XPR1: variants seen among roughly 807,000 people sequenced by gnomAD.
The protein encoded by XPR1 is xenotropic and polytropic retrovirus receptor 1.
Under a neutral mutation model 87.5 loss-of-function variants are expected in XPR1, and 28 were observed. The ratio of observed to expected loss-of-function variants is 0.32; its 90% CI spans 0.24 to 0.44. The LOEUF is 0.44. Among genes scored for constraint, XPR1 ranks in the 20% least tolerant of loss-of-function variants. XPR1 has a pLI of 1.00. For missense variants in XPR1, 559 were observed against 862.3 expected, an observed-to-expected ratio of 0.65 and a Z score of 4.41; for synonymous variants, 300 against 306.1, an observed-to-expected ratio of 0.98 and a Z score of 0.21.
intron 2 of XPR1, among the ~76,000 whole-genome samples, chr1:180,760,602 A>G (rs1269172508): frequency 1.3e-5 from 2 of 152,222 alleles, no homozygotes; most frequent in African/African-American, 4.8e-5. Context: ...CCACTGCTCA[A>G]TCAAATAAAA....
chr1:180,867,043 A>G (rs1379997456), intron 12 of XPR1, among the ~76,000 whole-genome samples: 2 of 97,392 alleles, frequency 2.1e-5, no homozygotes, highest in South Asian at 4.1e-4. Context: ...ATTCCCACCT[A>G]TGAGTGAGAA....
Position 180,834,571 on chromosome 1 carries a change from C to T in XPR1, c.1135-303C>T, listed in dbSNP as rs147697568. On this transcript the variant is annotated intron_variant, in intron 9 of 14. Transcript: ENST00000367590. ...GAAAAATCAGGGGGTAGTGGCATCT[C>T]CCTGATCCCTTAACAATATTTGGAT... 4.9e-4 allele frequency among the ~76,000 whole-genome samples: 74 copies of T among 152,296 alleles called. No homozygotes were observed. In the East Asian group the frequency reaches 0.014, roughly 29 times the overall value.
intron 7 of XPR1, among the ~76,000 whole-genome samples, chr1:180,820,917 C>G (rs1251932722): frequency 6.6e-6 from 1 of 151,900 alleles, no homozygotes; most frequent in Non-Finnish European, 1.5e-5. Flanking sequence ...TTGGGTTGTT[C>G]ATTGTTCCAT....
chr1:180,771,446 A>G (rs190294492), intron 2 of XPR1, among the ~76,000 whole-genome samples: 1 of 152,310 alleles, frequency 6.6e-6, no homozygotes, highest in Non-Finnish European at 1.5e-5. Context: ...ATCGTAGTGC[A>G]ATTACCAGAA....
intron 1 of XPR1, among the ~76,000 whole-genome samples, chr1:180,640,691 A>G (rs1450125436): frequency 6.6e-6 from 1 of 152,130 alleles, no homozygotes; most frequent in Non-Finnish European, 1.5e-5. Context: ...GTTAAATTAT[A>G]TTTCCCTCAA....
chr1:180,672,189 A>G (rs1415993872), intron 1 of XPR1, among the ~76,000 whole-genome samples: 1 of 152,176 alleles, frequency 6.6e-6, no homozygotes, highest in Admixed American at 6.5e-5. Context: ...GATTACATAT[A>G]TCTTATATAT....
At chr1:180,739,973 A>G (rs965766208) in intron 2 of XPR1, among the ~76,000 whole-genome samples, 2 of 152,052 alleles carry the variant, frequency 1.3e-5, no homozygotes, top group African/African-American at 2.4e-5. Context: ...CAGCCTTCCA[A>G]AGTGCTGGGA....
At chr1:180,812,722 C>T (rs938143176) in intron 7 of XPR1, among the ~76,000 whole-genome samples, 1 of 150,658 alleles carries the variant, frequency 6.6e-6, no homozygotes, top group Non-Finnish European at 1.5e-5. Flanking sequence ...GATCTCGGCT[C>T]ACTGCAACCT....
chr1:180,765,376 G>A (rs1420771841), intron 2 of XPR1, among the ~76,000 whole-genome samples: 1 of 152,146 alleles, frequency 6.6e-6, no homozygotes, highest in Non-Finnish European at 1.5e-5. Context: ...ACTGATTTCA[G>A]TATTCTGTTC....
chr1:180,808,017 G>A (rs1650064399), intron 6 of XPR1, among the ~76,000 whole-genome samples: 1 of 152,028 alleles, frequency 6.6e-6, no homozygotes, highest in Non-Finnish European at 1.5e-5. Context: ...AAAGTATATG[G>A]AAAGGCAGAG....
chr1:180,785,010 TTTGTG>T (rs1558006982), intron 2 of XPR1, among the ~76,000 whole-genome samples: 19 of 127,492 alleles, frequency 1.5e-4, no homozygotes, highest in African/African-American at 5.6e-4. Context: ...TGTGTGTGTG[TTTGTG>T]TGTGTGTGTG....
intron 2 of XPR1, among the ~76,000 whole-genome samples, chr1:180,779,289 T>C (rs1648847769): frequency 1.3e-5 from 2 of 152,202 alleles, no homozygotes; most frequent in African/African-American, 2.4e-5. Flanking sequence ...TAGATTTCTT[T>C]CTGTCTCAGT....
intron 2 of XPR1, among the ~76,000 whole-genome samples, chr1:180,764,411 G>A (rs1345264845): frequency 6.6e-6 from 1 of 151,730 alleles, no homozygotes; most frequent in Non-Finnish European, 1.5e-5. Flanking sequence ...TTGGAAGAGG[G>A]TACTAAACCT....
chr1:180,710,295 C>A (rs1160083199), intron 2 of XPR1, among the ~76,000 whole-genome samples: 2 of 151,116 alleles, frequency 1.3e-5, no homozygotes, highest in Non-Finnish European at 2.9e-5. Flanking sequence ...GGAAGGTCAG[C>A]AGATAAACAA....
intron 2 of XPR1, among the ~76,000 whole-genome samples, chr1:180,778,881 C>G (rs1648832554): frequency 6.6e-6 from 1 of 152,168 alleles, no homozygotes; most frequent in Non-Finnish European, 1.5e-5. Flanking sequence ...TAGGCTTCCC[C>G]CTAAAACTCA....
intron 9 of XPR1, among the ~76,000 whole-genome samples, chr1:180,831,407 T>TA (rs1228197831): frequency 6.6e-5 from 10 of 150,704 alleles, no homozygotes; most frequent in East Asian, 1.9e-4. Flanking sequence ...TTTCTTTTTT[T>TA]TATATATACT....
At chr1:180,852,175 G>A (rs1651885807) in intron 11 of XPR1, among the ~76,000 whole-genome samples, 1 of 152,102 alleles carries the variant, frequency 6.6e-6, no homozygotes, top group African/African-American at 2.4e-5. Context: ...TTAACTCAGT[G>A]AAGGTTTTGA....
chr1:180,647,792 T>A (rs1254269496), intron 1 of XPR1, among the ~76,000 whole-genome samples: 1 of 149,544 alleles, frequency 6.7e-6, no homozygotes, highest in East Asian at 2.0e-4. Flanking sequence ...TCCCAGCTAC[T>A]CCAGAGGCTG....
intron 11 of XPR1, among the ~76,000 whole-genome samples, chr1:180,857,402 C>A (rs1652073059): frequency 6.6e-6 from 1 of 152,148 alleles, no homozygotes; most frequent in Admixed American, 6.5e-5. Context: ...ATTTGTCTGA[C>A]CATTAGTAAA....
Sources: allele counts gnomAD v4.1 joint callset (sites outside exome capture counted in the v4.1 genomes callset), GRCh38; gene constraint gnomAD v4.1.1; transcripts MANE v1.5; gene names NCBI Gene and HGNC (gene_info 2026-07-23, HGNC 2026-07-21).